The following CHCHD6 variants were observed in gnomAD, a reference collection of about 807,000 sequenced individuals.
CHCHD6 encodes the protein MICOS complex subunit MIC25.
Under a neutral mutation model 32.3 loss-of-function variants are expected in CHCHD6, and 28 were observed. The observed-to-expected ratio is 0.87, with a 90% CI of 0.64 to 1.19. CHCHD6 has a LOEUF of 1.19. Ranked by LOEUF, CHCHD6 falls within the 50% of genes most tolerant of loss-of-function variation. The pLI, the probability that CHCHD6 is intolerant of heterozygous loss-of-function variation, is 0.00. For synonymous variants in CHCHD6, 122 were observed against 117.5 expected, an observed-to-expected ratio of 1.04 and a Z score of -0.25; for missense variants, 333 against 307.0, an observed-to-expected ratio of 1.08 and a Z score of -0.63.
intron 4 of CHCHD6, among the ~76,000 whole-genome samples, chr3:126,838,892 C>CTTTTTTTTTTTT (rs1217788517): frequency 1.4e-5 from 2 of 139,580 alleles, no homozygotes; most frequent in Non-Finnish European, 1.6e-5. Context: ...TTCTTTTTTC[C>CTTTTTTTTTTTT]TTTTTTTTTT....
At chr3:126,819,408 A>G (rs59395376) in intron 4 of CHCHD6, among the ~76,000 whole-genome samples, 8,829 of 152,254 alleles carry the variant, frequency 0.058, 804 homozygotes, top group African/African-American at 0.2. Context: ...ACATGGTGGA[A>G]TCTGGCAAAG....
chr3:126,732,610 T>C lies in CHCHD6; in HGVS notation c.267-468T>C, dbSNP rs143304644. ...ACTGTTAAGAGCATCTCAGCACTAATAACTTTTTTATTCTCTATAGGATTA... is the reference window on the plus strand; with the variant it reads ...ACTGTTAAGAGCATCTCAGCACTAACAACTTTTTTATTCTCTATAGGATTA... On this transcript the variant is annotated intron_variant, in intron 3 of 7. Transcript: ENST00000290913. 4.5e-3 allele frequency among the ~76,000 whole-genome samples: 689 copies of C among 152,352 alleles called. 3 individuals are homozygous for C. The highest frequency in any genetic ancestry group is 0.014 in the African/African-American group (574 of 41,580).
At chr3:126,759,092 A>G (rs1937071829) in intron 4 of CHCHD6, among the ~76,000 whole-genome samples, 1 of 152,100 alleles carries the variant, frequency 6.6e-6, no homozygotes, top group Admixed American at 6.6e-5. Context: ...CAGCCCTGCC[A>G]CTTTCTACCA....
intron 4 of CHCHD6, among the ~76,000 whole-genome samples, chr3:126,834,800 C>T (rs17750418): frequency 0.075 from 11,371 of 152,132 alleles, 556 homozygotes; most frequent in Middle Eastern, 0.12. Context: ...GACTCCAACA[C>T]GGGATTTAAT....
intron 6 of CHCHD6, among the ~76,000 whole-genome samples, chr3:126,917,512 C>T (rs908562280): frequency 6.6e-6 from 1 of 152,148 alleles, no homozygotes; most frequent in African/African-American, 2.4e-5. Flanking sequence ...TACAGGCCTC[C>T]GTTTCCTCAC....
intron 6 of CHCHD6, among the ~76,000 whole-genome samples, chr3:126,929,513 C>T (rs1385174256): frequency 1.3e-5 from 2 of 151,990 alleles, no homozygotes; most frequent in Admixed American, 1.3e-4. Flanking sequence ...AGATTCAGTT[C>T]AGCCCATAGA....
At chr3:126,724,113 G>A (rs1427533364) in intron 1 of CHCHD6, among the ~76,000 whole-genome samples, 2 of 152,176 alleles carry the variant, frequency 1.3e-5, no homozygotes, top group Non-Finnish European at 2.9e-5. Context: ...TCTACTGTAT[G>A]TGTGGCACTG....
At chr3:126,912,374 G>A (rs960893071) in intron 5 of CHCHD6, among the ~76,000 whole-genome samples, 4 of 152,158 alleles carry the variant, frequency 2.6e-5, no homozygotes, top group Non-Finnish European at 4.4e-5. Flanking sequence ...GACTGGTCGA[G>A]GCAAAGACGT....
chr3:126,939,408 A>C (rs2078527425), intron 6 of CHCHD6, among the ~76,000 whole-genome samples: 1 of 152,238 alleles, frequency 6.6e-6, no homozygotes, highest in African/African-American at 2.4e-5. Context: ...TTTTAAACCC[A>C]AGTGCAGGAA....
chr3:126,733,280 G>A (rs1935895034), intron 4 of CHCHD6, 58 bp downstream of exon 4: 8 of 1,545,284 alleles, frequency 5.2e-6, no homozygotes, highest in Non-Finnish European at 7.0e-6. Context: ...CTGGGAAATA[G>A]GGGGCGGGCC....
At chr3:126,928,103 G>A (rs1345722394) in intron 6 of CHCHD6, among the ~76,000 whole-genome samples, 2 of 152,238 alleles carry the variant, frequency 1.3e-5, no homozygotes, top group Non-Finnish European at 2.9e-5. Context: ...CTCAACCCAG[G>A]GAGGCTGCAG....
intron 5 of CHCHD6, among the ~76,000 whole-genome samples, chr3:126,865,358 C>CCCA (rs566568983): frequency 8.0e-5 from 12 of 150,686 alleles, no homozygotes; most frequent in East Asian, 3.9e-4. Flanking sequence ...CCCTTCTGCC[C>CCCA]CCACCACCAC....
intron 4 of CHCHD6, chr3:126,766,324 C>T: frequency 2.6e-6 from 1 of 391,968 alleles, no homozygotes; most frequent in African/African-American, 2.1e-5. Context: ...AAAAATGCAC[C>T]TTAGGTCAGC....
chr3:126,725,433 C>T (rs556865717), intron 1 of CHCHD6, among the ~76,000 whole-genome samples: 20 of 152,304 alleles, frequency 1.3e-4, no homozygotes, highest in African/African-American at 4.6e-4. Context: ...GTTCTGTCAT[C>T]TAGACTCTGT....
At chr3:126,877,352 G>A (rs1257114278) in intron 5 of CHCHD6, among the ~76,000 whole-genome samples, 6 of 152,102 alleles carry the variant, frequency 3.9e-5, no homozygotes, top group African/African-American at 9.7e-5. Flanking sequence ...TCAGGAGATC[G>A]AGACTGTCCT....
intron 4 of CHCHD6, among the ~76,000 whole-genome samples, chr3:126,815,379 C>T (rs1016624685): frequency 6.6e-6 from 1 of 152,302 alleles, no homozygotes; most frequent in Non-Finnish European, 1.5e-5. Context: ...TCCAGATCCA[C>T]ACCGCAGCAT....
intron 4 of CHCHD6, among the ~76,000 whole-genome samples, chr3:126,781,350 A>G (rs778946632): frequency 1.3e-5 from 2 of 152,120 alleles, no homozygotes; most frequent in Non-Finnish European, 2.9e-5. Flanking sequence ...AAGCAGTAAT[A>G]CTCTAATTTG....
At chr3:126,852,292 C>T (rs1469439316) in intron 4 of CHCHD6, among the ~76,000 whole-genome samples, 1 of 152,176 alleles carries the variant, frequency 6.6e-6, no homozygotes, top group Non-Finnish European at 1.5e-5. Flanking sequence ...ACTTAGGCCC[C>T]CTGTTGTCAT....
At chr3:126,741,247 C>T (rs1342091982) in intron 4 of CHCHD6, among the ~76,000 whole-genome samples, 2 of 152,108 alleles carry the variant, frequency 1.3e-5, no homozygotes, top group Non-Finnish European at 2.9e-5. Flanking sequence ...TGCTGTGCGC[C>T]GTTGGGAAAG....
Sources: gnomAD v4.1 joint callset for allele counts (sites outside exome capture counted in the v4.1 genomes callset) on GRCh38, gnomAD v4.1.1 for gene constraint, MANE v1.5 for transcripts, NCBI Gene and HGNC (gene_info 2026-07-23, HGNC 2026-07-21) for gene names.